The following DLG2 variants were observed in gnomAD, a reference collection of about 807,000 sequenced individuals.
DLG2 encodes disks large homolog 2.
In DLG2, 45 loss-of-function variants were observed where a neutral mutation model predicts 132.5. The ratio of observed to expected loss-of-function variants is 0.34; its 90% CI spans 0.27 to 0.44. The LOEUF (loss-of-function observed/expected upper bound fraction) is 0.44, where lower values mean the gene tolerates loss of function less well. Ranked by LOEUF, DLG2 falls within the 20% of genes least tolerant of loss-of-function variation. The pLI is 1.00. For synonymous variants in DLG2, 424 were observed against 419.6 expected (o/e 1.01, Z -0.13); for missense variants, 1,045 against 1,196.9 (o/e 0.87, Z 1.87).
intron 17 of DLG2, chr11:83,791,393 CT>C: frequency 1.3e-5 from 9 of 673,036 alleles, no homozygotes; most frequent in Non-Finnish European, 1.9e-5. Context: ...TCTTTTCCAC[CT>C]TTTTCGTCTT....
intron 7 of DLG2, among the ~76,000 whole-genome samples, chr11:84,276,497 A>G (rs2097784266): frequency 6.6e-6 from 1 of 152,230 alleles, no homozygotes; most frequent in Admixed American, 6.5e-5. Context: ...TGTGCTAGAA[A>G]TAGAGAACAC....
chr11:84,686,377 A>G (rs900380904), intron 6 of DLG2, among the ~76,000 whole-genome samples: 4 of 152,276 alleles, frequency 2.6e-5, no homozygotes, highest in Admixed American at 6.5e-5. Flanking sequence ...CCTTTCTACA[A>G]TGCTTCGTGT....
intron 18 of DLG2, among the ~76,000 whole-genome samples, chr11:83,695,155 A>G (rs1277634268): frequency 1.3e-5 from 2 of 152,210 alleles, no homozygotes; most frequent in East Asian, 3.8e-4. Flanking sequence ...AAGTTGAGTT[A>G]ATTCACTGTG....
chr11:85,353,607 G>C (rs2083463757), intron 3 of DLG2, among the ~76,000 whole-genome samples: 1 of 152,192 alleles, frequency 6.6e-6, no homozygotes, highest in Non-Finnish European at 1.5e-5. Flanking sequence ...AGCAATGATA[G>C]ACTGGATTAA....
chr11:85,411,256 A>G (rs1181473339), intron 3 of DLG2, among the ~76,000 whole-genome samples: 2 of 151,844 alleles, frequency 1.3e-5, no homozygotes, highest in African/African-American at 4.8e-5. Context: ...TAAAAGAAAA[A>G]TAAGGACAAA....
At chr11:85,145,099 G>A (rs922262582) in intron 5 of DLG2, among the ~76,000 whole-genome samples, 1 of 151,432 alleles carries the variant, frequency 6.6e-6, no homozygotes, top group South Asian at 2.1e-4. Context: ...TGCTATTCTA[G>A]GATAAAAGTT....
intron 18 of DLG2, among the ~76,000 whole-genome samples, chr11:83,758,221 G>T (rs2093734854): frequency 6.6e-6 from 1 of 152,140 alleles, no homozygotes; most frequent in Middle Eastern, 3.4e-3. Context: ...CACTTCTATT[G>T]GTTAGTCTCC....
At chr11:83,565,258 C>G (rs1035475717) in intron 19 of DLG2, among the ~76,000 whole-genome samples, 1 of 152,188 alleles carries the variant, frequency 6.6e-6, no homozygotes. Context: ...GGGTGGATAT[C>G]TGCATCCTTA....
intron 6 of DLG2, among the ~76,000 whole-genome samples, chr11:84,730,942 T>A (rs2063080612): frequency 1.3e-5 from 2 of 152,068 alleles, no homozygotes; most frequent in South Asian, 2.1e-4. Flanking sequence ...AATTAACACT[T>A]TTTCTGTTAA....
At chr11:83,806,475 T>G (rs916447807) in intron 17 of DLG2, among the ~76,000 whole-genome samples, 2 of 152,108 alleles carry the variant, frequency 1.3e-5, no homozygotes, top group East Asian at 1.9e-4. Flanking sequence ...TATATGTGAG[T>G]GGAAAAACAT....
intron 14 of DLG2, among the ~76,000 whole-genome samples, 180 bp from the exon 15 acceptor site, chr11:83,930,663 C>CA (rs752168023): frequency 1.5e-4 from 23 of 152,194 alleles, no homozygotes; most frequent in Admixed American, 3.3e-4. Context: ...CTTTATTCCT[C>CA]AGACTCTTCT....
chr11:84,657,251 G>C (rs2099689355), intron 6 of DLG2, among the ~76,000 whole-genome samples: 1 of 152,102 alleles, frequency 6.6e-6, no homozygotes, highest in Admixed American at 6.6e-5. Flanking sequence ...TGATCCTTTA[G>C]AGCACTGCAG....
chr11:83,577,559 A>AATAT (rs1167372199), intron 19 of DLG2, among the ~76,000 whole-genome samples: 3,487 of 78,310 alleles, frequency 0.045, 131 homozygotes, highest in African/African-American at 0.066. Context: ...GAATTAATAG[A>AATAT]ATATATATAT....
chr11:84,860,419 G>C (rs2083450096), intron 6 of DLG2, among the ~76,000 whole-genome samples: 1 of 152,122 alleles, frequency 6.6e-6, no homozygotes, highest in African/African-American at 2.4e-5. Flanking sequence ...TGACAATGAA[G>C]CTAGGGCTTC....
intron 14 of DLG2, among the ~76,000 whole-genome samples, chr11:83,936,624 A>G (rs1454531502): frequency 6.6e-6 from 1 of 152,216 alleles, no homozygotes; most frequent in African/African-American, 2.4e-5. Context: ...GTTTATTGGA[A>G]GATTGAGGAG....
intron 8 of DLG2, among the ~76,000 whole-genome samples, chr11:84,213,021 A>C (rs1597541656): frequency 6.6e-6 from 1 of 152,148 alleles, no homozygotes; most frequent in African/African-American, 2.4e-5. Flanking sequence ...ATGCTGCCAC[A>C]TTGTGTGAGC....
At chr11:85,067,357 T>C (rs1038442094) in intron 6 of DLG2, among the ~76,000 whole-genome samples, 18 of 151,948 alleles carry the variant, frequency 1.2e-4, no homozygotes, top group African/African-American at 4.3e-4. Context: ...AGTTCTGCTC[T>C]CATCTTAGTT....
chr11:85,015,173 C>T (rs994200035), intron 6 of DLG2, among the ~76,000 whole-genome samples: 3 of 152,124 alleles, frequency 2.0e-5, no homozygotes, highest in Non-Finnish European at 4.4e-5. Flanking sequence ...GCTTTTCAAA[C>T]TGAGTATCTC....
intron 11 of DLG2, among the ~76,000 whole-genome samples, chr11:83,987,292 A>T (rs1462048508): frequency 1.3e-5 from 2 of 152,132 alleles, no homozygotes; most frequent in East Asian, 3.9e-4. Flanking sequence ...TATAGATTCA[A>T]TGCCATCCCC....
Sources: allele counts gnomAD v4.1 joint callset (sites outside exome capture counted in the v4.1 genomes callset), GRCh38; gene constraint gnomAD v4.1.1; transcripts MANE v1.5; gene names NCBI Gene and HGNC (gene_info 2026-07-23, HGNC 2026-07-21).